The following ARHGEF5 variants were observed in gnomAD, a reference collection of about 807,000 sequenced individuals.
ARHGEF5 encodes the protein Rho guanine nucleotide exchange factor 5, also known as Rho guanine nucleotide exchange factor (GEF) 5.
A neutral mutation model predicts 104.0 loss-of-function variants in ARHGEF5; 11 were observed. The observed-to-expected ratio is 0.11, with a 90% CI of 0.07 to 0.18. The LOEUF is 0.18. Among genes scored for constraint, ARHGEF5 ranks in the 10% least tolerant of loss-of-function variants. The probability of loss-of-function intolerance (pLI) is 1.00; values close to 1 mark genes in which losing one functional copy is unlikely to be tolerated. For missense variants in ARHGEF5, 165 were observed against 1,335.4 expected, an observed-to-expected ratio of 0.12 and a Z score of 13.66; for synonymous variants, 60 against 512.2, an observed-to-expected ratio of 0.12 and a Z score of 11.92.
At chr7:144,377,303 G>C in intron 13 of ARHGEF5, 113 bp downstream of exon 13, 2 of 1,530,878 alleles carry the variant, frequency 1.3e-6, no homozygotes, top group Non-Finnish European at 1.8e-6. Flanking sequence ...TTGATATTCC[G>C]TAAAATGTCA....
chr7:144,379,296 T>G (rs952523636), intron 14 of ARHGEF5, among the ~76,000 whole-genome samples: 12 of 152,212 alleles, frequency 7.9e-5, no homozygotes, highest in Non-Finnish European at 2.9e-5. Flanking sequence ...CTTGGCTCAC[T>G]GCAACTTCCA....
intron 1 of ARHGEF5, among the ~76,000 whole-genome samples, chr7:144,361,408 G>C (rs1013880367): frequency 7.2e-6 from 1 of 138,770 alleles, no homozygotes; most frequent in Non-Finnish European, 1.6e-5. Context: ...ACAACATGTC[G>C]ATTGTAGGGA....
chr7:144,357,748 G>C (rs2053608660), intron 1 of ARHGEF5, among the ~76,000 whole-genome samples: 1 of 151,876 alleles, frequency 6.6e-6, no homozygotes, highest in Admixed American at 6.5e-5. Context: ...AGGGAAGATA[G>C]TGAGCTCTGT....
rs1350897497 is a variant in ARHGEF5 at position 144,380,506 on chromosome 7, A to T, written c.*450A>T. ...GGGTCAGCCCGGTGACCTCTAAGGT[A>T]TCTTCTAACCTAGAAATTCACCATA... is the stretch of plus-strand genomic sequence containing the variant. On this transcript the variant is annotated 3_prime_UTR_variant, in exon 15 of 15. Coordinates refer to ENST00000056217, the MANE Select transcript of ARHGEF5 (RefSeq NM_005435.4). 1 of 158,336 alleles carries T rather than the reference A, an allele frequency of 6.3e-6. No homozygotes were observed. Among genetic ancestry groups the T allele is most frequent in the Admixed American group, 6.0e-5 (1 of 16,736 alleles). The allele number at this position is 158,336 out of a possible 1,614,324, so 9.8% of individuals were successfully genotyped here.
In ARHGEF5 at chr7:144,378,742, C is replaced by T. The variant is rs371510516; in HGVS notation, c.4532-20C>T. ...TCCCCTGCCTCTCCTAACCTCTCTTCACACTCTTCTCTTCCAAAGACTCCC... is the reference window on the plus strand; with the variant it reads ...TCCCCTGCCTCTCCTAACCTCTCTTTACACTCTTCTCTTCCAAAGACTCCC... On this transcript the variant is annotated intron_variant, in intron 13 of 14. Transcript: ENST00000056217. 5.0e-6 allele frequency: 8 copies of T among 1,607,768 alleles called. No homozygotes were observed. The Admixed American group carries it at 6.7e-5, about 13-fold the overall frequency.
In ARHGEF5 at chr7:144,379,913, G is replaced by A. The variant is rs182264437; in HGVS notation, c.4651G>A (p.Val1551Met). 122 of 1,614,154 alleles carry A rather than the reference G, an allele frequency of 7.6e-5. 1 individual carries two copies. In the East Asian group the frequency reaches 1.1e-3, roughly 14 times the overall value. Residue 1551 changes from valine (V) to methionine (M), a missense_variant, in exon 15 of 15, where the codon GTG becomes ATG. Coordinates refer to ENST00000056217, the MANE Select transcript of ARHGEF5 (RefSeq NM_005435.4). Reference protein sequence around the residue: ...QQSSDGWLEGVRLSDGERGWF... With the variant: ...QQSSDGWLEGMRLSDGERGWF... ...TGTGCCCACAGGCTGGCTGGAGGGC[G>A]TGAGGCTCTCAGACGGGGAGCGAGG...
At chr7:144,379,671 A>G (rs1612590) in intron 14 of ARHGEF5, among the ~76,000 whole-genome samples, 95,492 of 152,054 alleles carry the variant, frequency 0.63, 30,166 homozygotes, top group East Asian at 0.78. Flanking sequence ...CATAAATGTT[A>G]GGAGGGACAC....
intron 14 of ARHGEF5, among the ~76,000 whole-genome samples, chr7:144,379,288 T>G (rs1311553732): frequency 1.3e-5 from 2 of 152,162 alleles, no homozygotes; most frequent in Admixed American, 6.5e-5. Context: ...GGCGCAATCT[T>G]GGCTCACTGC....
chr7:144,363,371 A>T lies in ARHGEF5; in HGVS notation c.702A>T (p.Gly234=), dbSNP rs754204798. Residue 234 remains glycine (G), a synonymous_variant, in exon 2 of 15, where the codon GGA becomes GGT. Transcript: ENST00000056217. ...AGGTCCAAGTTCTGGAGGAGCAGGG[A>T]CAGCAGGAAGCAGGATTTCGGGGGG... The part of the protein sequence containing the change: ...PQEVQVLEEQ[G]QQEAGFRGEG... 6.3e-7 allele frequency: 1 copy of T among 1,588,068 alleles called. No individual in the cohort carries two copies. The highest frequency in any genetic ancestry group is 1.4e-5 in the African/African-American group (1 of 72,850).
At position 144,380,162 on chromosome 7, in the gene ARHGEF5, T is replaced by G; in HGVS notation, c.*106T>G. 7.0e-7 allele frequency: 1 copy of G among 1,425,382 alleles called. No homozygotes were observed. Among genetic ancestry groups the G allele is most frequent in the African/African-American group, 1.4e-5 (1 of 70,482 alleles). The allele number at this position is 1,425,382 out of a possible 1,614,324, so 88.3% of individuals were successfully genotyped here. ...CCTTCTGTGGATGGAGAACTAGGCC[T>G]TCTCAAAGCTCAAGGACAAAATCCA... On this transcript the variant is annotated 3_prime_UTR_variant, in exon 15 of 15. Transcript: ENST00000056217.
intron 14 of ARHGEF5, among the ~76,000 whole-genome samples, chr7:144,379,498 C>A (rs1270939895): frequency 1.3e-5 from 2 of 152,190 alleles, no homozygotes; most frequent in East Asian, 3.9e-4. Flanking sequence ...GCGTGAGCCA[C>A]CACGCCCAGC....
Position 144,380,000 on chromosome 7 carries a change from A to G in ARHGEF5, c.4738A>G (p.Lys1580Glu). 3 of 1,614,198 alleles carry G rather than the reference A, an allele frequency of 1.9e-6. No homozygotes were observed. Among genetic ancestry groups the G allele is most frequent in the Non-Finnish European group, 2.5e-6 (3 of 1,180,032 alleles). ...SNPEVRAQNL[K>E]EAHRVKTAKL... ...CCCAGAGGTCCGTGCACAGAACCTG[A>G]AGGAAGCTCATCGAGTCAAGACTGC... The change falls in exon 15 of 15, where the codon AAG (lysine) becomes GAG (glutamate). Residue 1580 changes from lysine (K) to glutamate (E), a missense_variant. Coordinates refer to ENST00000056217, the MANE Select transcript of ARHGEF5 (RefSeq NM_005435.4).
intron 14 of ARHGEF5, among the ~76,000 whole-genome samples, chr7:144,379,168 G>C (rs1408515751): frequency 6.6e-6 from 1 of 152,162 alleles, no homozygotes; most frequent in Non-Finnish European, 1.5e-5. Flanking sequence ...CCTGTGGCTA[G>C]CTGCCTTCCT....
Position 144,378,764 on chromosome 7 carries a change from T to G in ARHGEF5, c.4534T>G (p.Ser1512Ala), listed in dbSNP as rs2053779474. The stretch of plus-strand genomic sequence containing the variant: ...CTTCACACTCTTCTCTTCCAAAGAC[T>G]CCCCCCAGGTACAGTGCCTTCGAGC... ...EELDLLECYNSPQVQCLRAYK... is the reference protein window; with the variant it reads ...EELDLLECYNAPQVQCLRAYK... Residue 1512 changes from serine to alanine, a missense_variant and splice_region_variant, in exon 14 of 15, where the codon TCC becomes GCC. Coordinates refer to ENST00000056217, the MANE Select transcript of ARHGEF5 (RefSeq NM_005435.4). 6.2e-7 allele frequency: 1 copy of G among 1,612,668 alleles called. No individual in the cohort carries two copies. The highest frequency in any genetic ancestry group is 1.3e-5 in the African/African-American group (1 of 74,670).
At chr7:144,378,210 T>C (rs1454554321) in intron 13 of ARHGEF5, among the ~76,000 whole-genome samples, 2 of 152,200 alleles carry the variant, frequency 1.3e-5, no homozygotes, top group African/African-American at 2.4e-5. Context: ...AATAACCATC[T>C]TGATCACTGA....
chr7:144,360,303 G>C (rs2053628469), intron 1 of ARHGEF5, among the ~76,000 whole-genome samples: 1 of 109,920 alleles, frequency 9.1e-6, no homozygotes, highest in Non-Finnish European at 1.9e-5. Context: ...TGGAGACAGG[G>C]TTTCACCAGG....
Position 144,363,321 on chromosome 7 carries a change from A to T in ARHGEF5, c.652A>T (p.Ser218Cys). ...EELPPEELQE[S>C]QGLLHPQEVQ... Reference sequence around the variant, plus strand: ...GCTGCCACCTGAGGAGCTGCAGGAAAGTCAAGGGCTCTTGCATCCCCAGGA... The same window carrying T: ...GCTGCCACCTGAGGAGCTGCAGGAATGTCAAGGGCTCTTGCATCCCCAGGA... Residue 218 changes from serine (S) to cysteine (C), a missense_variant, in exon 2 of 15, where the codon AGT becomes TGT. Coordinates refer to ENST00000056217, the MANE Select transcript of ARHGEF5 (RefSeq NM_005435.4). 6.3e-7 allele frequency: 1 copy of T among 1,592,348 alleles called. No homozygotes were observed. The highest frequency in any genetic ancestry group is 8.6e-7 in the Non-Finnish European group (1 of 1,164,354).
Position 144,363,331 on chromosome 7 carries a change from T to A in ARHGEF5, c.662T>A (p.Leu221His), listed in dbSNP as rs974738486. The change falls in exon 2 of 15, where the codon CTC (leucine) becomes CAC (histidine). Residue 221 changes from leucine to histidine, a missense_variant. Leu to His is a moderately conservative substitution (Grantham distance 99, BLOSUM62 -3). Coordinates refer to ENST00000056217, the MANE Select transcript of ARHGEF5 (RefSeq NM_005435.4). ...GAGGAGCTGCAGGAAAGTCAAGGGC[T>A]CTTGCATCCCCAGGAGGTCCAAGTT... Reference protein sequence around the residue: ...PPEELQESQGLLHPQEVQVLE... With the variant: ...PPEELQESQGHLHPQEVQVLE... 6.3e-7 allele frequency: 1 copy of A among 1,591,910 alleles called. No individual in the cohort carries two copies. Among genetic ancestry groups the A allele is most frequent in the Non-Finnish European group, 8.6e-7 (1 of 1,164,160 alleles).
In ARHGEF5 at chr7:144,379,958, G is replaced by T. The variant is rs1466575458; in HGVS notation, c.4696G>T (p.Val1566Leu). 1 of 1,614,274 alleles carries T rather than the reference G, an allele frequency of 6.2e-7. No individual in the cohort carries two copies. Among genetic ancestry groups the T allele is most frequent in the South Asian group, 1.1e-5 (1 of 91,084 alleles). Reference protein sequence around the residue: ...GERGWFPVQQVEFISNPEVRA... With the variant: ...GERGWFPVQQLEFISNPEVRA... The stretch of plus-strand genomic sequence containing the variant: ...GCGAGGCTGGTTTCCTGTGCAGCAG[G>T]TGGAGTTCATTTCCAACCCAGAGGT... The change falls in exon 15 of 15, where the codon GTG becomes TTG. Residue 1566 changes from valine to leucine, a missense_variant. Transcript: ENST00000056217.
Sources: gnomAD v4.1 joint callset for allele counts (sites outside exome capture counted in the v4.1 genomes callset) on GRCh38, gnomAD v4.1.1 for gene constraint, MANE v1.5 for transcripts, NCBI Gene and HGNC (gene_info 2026-07-23, HGNC 2026-07-21) for gene names.